OPN3: variants seen among roughly 807,000 people sequenced by gnomAD.
The protein encoded by OPN3 is opsin-3.
In OPN3, 29 loss-of-function variants were observed where a neutral mutation model predicts 33.8. That is an observed-to-expected ratio of 0.86 (90% CI 0.64 to 1.17). The LOEUF (loss-of-function observed/expected upper bound fraction) is 1.17. OPN3 is among the 50% of genes most tolerant of loss of function. OPN3 has a pLI of 0.00. For missense variants in OPN3, 437 were observed against 514.1 expected (o/e 0.85, Z 1.45); for synonymous variants, 216 against 216.1 (o/e 1.00, Z 0.00).
At chr1:241,635,103 T>C (rs756547876) in intron 1 of OPN3, 6 of 1,612,902 alleles carry the variant, frequency 3.7e-6, no homozygotes, top group Non-Finnish European at 5.1e-6. Flanking sequence ...TCTTTAACTA[T>C]TTGAGAGTAA....
intron 1 of OPN3, among the ~76,000 whole-genome samples, chr1:241,610,083 C>G (rs1663949902): frequency 6.6e-6 from 1 of 152,190 alleles, no homozygotes; most frequent in African/African-American, 2.4e-5. Flanking sequence ...TTATGTACCC[C>G]CCAGCGGTTT....
chr1:241,604,242 C>G lies in OPN3; in HGVS notation c.693+18G>C. 1 of 1,606,110 alleles carries G rather than the reference C, an allele frequency of 6.2e-7. No individual in the cohort carries two copies. The highest frequency in any genetic ancestry group is 8.5e-7 in the Non-Finnish European group (1 of 1,174,422). ...TGGATGTGGTTTGGGAGGGGGGCAT[C>G]TGTAGTCTTCAACTCACCATTCGAA... On this transcript the variant is annotated intron_variant, in intron 2 of 3. Transcript: ENST00000366554.
chr1:241,630,126 G>A (rs1018969567), intron 1 of OPN3: 1 of 151,956 alleles, frequency 6.6e-6, no homozygotes, highest in Non-Finnish European at 1.5e-5. Context: ...ATAATTCTGT[G>A]AAGTATTTCT....
At chr1:241,615,719 C>A in intron 1 of OPN3, 1 of 402,088 alleles carries the variant, frequency 2.5e-6, no homozygotes, top group Non-Finnish European at 5.1e-6. Context: ...GTGTGCCATC[C>A]CAGATCTCCG....
chr1:241,626,783 G>A (rs982878785), intron 1 of OPN3, among the ~76,000 whole-genome samples: 5 of 152,084 alleles, frequency 3.3e-5, no homozygotes, highest in African/African-American at 4.8e-5. Context: ...AGATGAATAC[G>A]GAACAAGTAA....
At chr1:241,635,563 A>C (rs1399765779) in intron 1 of OPN3, 2 of 1,614,046 alleles carry the variant, frequency 1.2e-6, no homozygotes, top group Non-Finnish European at 1.7e-6. Context: ...TTTCTTCCCC[A>C]ATGTCATTGT....
chr1:241,622,967 T>C, intron 1 of OPN3, among the ~76,000 whole-genome samples: 1 of 152,098 alleles, frequency 6.6e-6, no homozygotes, highest in Non-Finnish European at 1.5e-5. Context: ...TTCTTTGTAT[T>C]TGGACAGACT....
Position 241,604,320 on chromosome 1 carries a change from C to A in OPN3, c.633G>T (p.Leu211=), listed in dbSNP as rs144399024. The change falls in exon 2 of 4, where the codon CTG becomes CTT. Residue 211 remains leucine, a synonymous_variant. Transcript: ENST00000366554. ...SFVLFLFLGC[L]VVPLGVIAHC... ...GGGCTATGACACCCAGGGGCACCAC[C>A]AGGCAGCCAAGAAATAAGAAAAGCA... 5 of 1,614,076 alleles carry A rather than the reference C, an allele frequency of 3.1e-6. No homozygotes were observed. The African/African-American group carries it at 6.7e-5, about 22-fold the overall frequency.
At chr1:241,634,527 CTTT>C in intron 1 of OPN3, 1 of 1,613,972 alleles carries the variant, frequency 6.2e-7, no homozygotes, top group Non-Finnish European at 8.5e-7. Context: ...CGTCCAGATT[CTTT>C]GTCGACTACA....
chr1:241,604,482 G>C lies in OPN3; in HGVS notation c.471C>G (p.Ala157=). Residue 157 remains alanine (A), a synonymous_variant, in exon 2 of 4, where the codon GCC becomes GCG. Coordinates refer to ENST00000366554, the MANE Select transcript of OPN3 (RefSeq NM_014322.3). The part of the protein sequence containing the change: ...RVINFSWAWR[A]ITYIWLYSLA... ...GTGAGTAGAGCCAGATGTAGGTAAT[G>C]GCCCTCCAGGCCCAGGAAAAATTGA... The C allele has an allele frequency of 6.2e-7, 1 of 1,614,180 alleles. No homozygotes were observed. Among genetic ancestry groups the C allele is most frequent in the Non-Finnish European group, 8.5e-7 (1 of 1,180,032 alleles).
Position 241,597,945 on chromosome 1 carries a change from T to A in OPN3, c.746A>T (p.Tyr249Phe), listed in dbSNP as rs978631201. 2 of 1,613,778 alleles carry A rather than the reference T, an allele frequency of 1.2e-6. No homozygotes were observed. Among genetic ancestry groups the A allele is most frequent in the African/African-American group, 2.7e-5 (2 of 74,902 alleles). Residue 249 changes from tyrosine (Y) to phenylalanine (F), a missense_variant, in exon 3 of 4, where the codon TAT (tyrosine) becomes TTT (phenylalanine). By Grantham distance (22) the Tyr-to-Phe change is conservative. Transcript: ENST00000366554. ...GCACATTTTGGCCAGTTTCTTTTCA[T>A]ATTTTAAAATCTTGATCACTTGAAT... ...QTIQVIKILK[Y>F]EKKLAKMCFL...
chr1:241,605,360 C>T (rs763102968), intron 1 of OPN3, among the ~76,000 whole-genome samples: 12 of 152,198 alleles, frequency 7.9e-5, no homozygotes, highest in Admixed American at 6.5e-5. Flanking sequence ...AACCTGCGTA[C>T]TACCAGCAGA....
At chr1:241,617,275 C>T (rs1164421824) in intron 1 of OPN3, among the ~76,000 whole-genome samples, 2 of 152,168 alleles carry the variant, frequency 1.3e-5, no homozygotes, top group African/African-American at 2.4e-5. Context: ...AAAGATTACA[C>T]AAAGCAAGTT....
chr1:241,634,382 T>C (rs1664785465), intron 1 of OPN3: 1 of 1,613,852 alleles, frequency 6.2e-7, no homozygotes, highest in African/African-American at 1.3e-5. Flanking sequence ...TATAGACTGA[T>C]CTGTAATGAG....
chr1:241,597,983 T>C lies in OPN3; in HGVS notation c.708A>G (p.Glu236=), dbSNP rs201882685. ...LYSIRMLRCV[E]DLQTIQVIKI... ...TGATCACTTGAATTGTCTGAAGATCTTCCACACAACGAAGCTGCAGAAAGG... is the reference window on the plus strand; with the variant it reads ...TGATCACTTGAATTGTCTGAAGATCCTCCACACAACGAAGCTGCAGAAAGG... Residue 236 remains glutamate (E), a synonymous_variant, in exon 3 of 4, where the codon GAA becomes GAG. Transcript: ENST00000366554. 1 of 1,613,592 alleles carries C rather than the reference T, an allele frequency of 6.2e-7. No individual in the cohort carries two copies. Among genetic ancestry groups the C allele is most frequent in the Non-Finnish European group, 8.5e-7 (1 of 1,179,828 alleles).
chr1:241,635,920 T>C, intron 1 of OPN3: 1 of 690,914 alleles, frequency 1.4e-6, no homozygotes, highest in Non-Finnish European at 2.4e-6. Flanking sequence ...TTAAAATATT[T>C]TTTTTCTTAT....
In OPN3 at chr1:241,593,521, A is replaced by C. The variant is rs1573946678; in HGVS notation, c.*907T>G. 1 of 278,354 alleles carries C rather than the reference A, an allele frequency of 3.6e-6. No homozygotes were observed. Among genetic ancestry groups the C allele is most frequent in the East Asian group, 8.0e-5 (1 of 12,552 alleles). 17.2% of individuals were successfully genotyped at this position (278,354 alleles called of 1,614,324 possible). A position where few individuals can be genotyped will look rare whatever the true frequency, so the allele number is the denominator to read the frequency against. On this transcript the variant is annotated 3_prime_UTR_variant, in exon 4 of 4. Coordinates refer to ENST00000366554, the MANE Select transcript of OPN3 (RefSeq NM_014322.3). ...CCTTGAGTTCTAATAATCCATGTTC[A>C]GTTTGTAGGGAAAGAAAAAATAATT... is the stretch of plus-strand genomic sequence containing the variant.
At chr1:241,622,542 G>A (rs1664293229) in intron 1 of OPN3, among the ~76,000 whole-genome samples, 1 of 152,094 alleles carries the variant, frequency 6.6e-6, no homozygotes, top group Admixed American at 6.5e-5. Context: ...GTACCTACTG[G>A]CCCAGAATGC....
At chr1:241,613,121 T>C (rs1189211771) in intron 1 of OPN3, among the ~76,000 whole-genome samples, 1 of 152,240 alleles carries the variant, frequency 6.6e-6, no homozygotes, top group Admixed American at 6.5e-5. Flanking sequence ...ATCTTGTTTA[T>C]ATTGCTTATT....
Sources: allele counts gnomAD v4.1 joint callset (sites outside exome capture counted in the v4.1 genomes callset), GRCh38; gene constraint gnomAD v4.1.1; transcripts MANE v1.5; gene names NCBI Gene and HGNC (gene_info 2026-07-23, HGNC 2026-07-21).